Variants in CD80 observed in about 807,000 individuals in gnomAD.
The protein encoded by CD80 is CD80 molecule.
CD80 carries 13 observed loss-of-function variants against 27.1 expected under a neutral mutation model. The observed-to-expected ratio is 0.48, with a 90% CI of 0.31 to 0.76. The LOEUF (loss-of-function observed/expected upper bound fraction) is 0.76, where lower values mean the gene tolerates loss of function less well. Ranked by LOEUF, CD80 falls within the 30% of genes least tolerant of loss-of-function variation. The pLI is 0.04. For synonymous variants in CD80, 125 were observed against 125.5 expected, an observed-to-expected ratio of 1.00 and a Z score of 0.03; for missense variants, 277 against 347.9, an observed-to-expected ratio of 0.80 and a Z score of 1.62.
At chr3:119,557,383 TC>T (rs1647617078) in intron 2 of CD80, among the ~76,000 whole-genome samples, 1 of 152,194 alleles carries the variant, frequency 6.6e-6, no homozygotes, top group South Asian at 2.1e-4. Flanking sequence ...AATAACACTG[TC>T]CCTTCCACGC....
intron 4 of CD80, among the ~76,000 whole-genome samples, chr3:119,533,901 A>G (rs1214127840): frequency 6.6e-6 from 1 of 152,022 alleles, no homozygotes; most frequent in East Asian, 1.9e-4. Context: ...TCAGCCCTTG[A>G]CCTCCTATAA....
At chr3:119,552,476 T>G (rs1560058642) in intron 2 of CD80, among the ~76,000 whole-genome samples, 1 of 130,748 alleles carries the variant, frequency 7.6e-6, no homozygotes. Context: ...ATTGTGCCAC[T>G]GCACTCCAGC....
chr3:119,538,727 A>G (rs2082152031), intron 3 of CD80, among the ~76,000 whole-genome samples: 1 of 152,226 alleles, frequency 6.6e-6, no homozygotes, highest in Non-Finnish European at 1.5e-5. Flanking sequence ...TAAATAGAGA[A>G]GGCTTTGCCT....
chr3:119,557,586 C>A (rs2082271454), intron 2 of CD80, 43 bp downstream of exon 2: 1 of 1,403,116 alleles, frequency 7.1e-7, no homozygotes, highest in Non-Finnish European at 1.0e-6. Context: ...TTTCTCTTAA[C>A]CCTGTAGCAG....
intron 3 of CD80, among the ~76,000 whole-genome samples, chr3:119,542,011 G>A (rs370379233): frequency 6.6e-6 from 1 of 151,548 alleles, no homozygotes; most frequent in African/African-American, 2.4e-5. Flanking sequence ...AGAGGACTAC[G>A]TACCTAATGT....
intron 2 of CD80, among the ~76,000 whole-genome samples, chr3:119,551,172 C>G (rs1015561870): frequency 2.0e-5 from 3 of 152,144 alleles, no homozygotes; most frequent in Admixed American, 6.5e-5. Context: ...GAATGCATGT[C>G]TAGGCATGAG....
chr3:119,545,743 C>T (rs2082199440), intron 2 of CD80, among the ~76,000 whole-genome samples: 1 of 151,884 alleles, frequency 6.6e-6, no homozygotes. Context: ...CACACACCCC[C>T]CCCCACATTT....
intron 1 of CD80, among the ~76,000 whole-genome samples, chr3:119,558,246 A>T (rs2082274475): frequency 6.6e-6 from 1 of 152,226 alleles, no homozygotes; most frequent in Admixed American, 6.5e-5. Context: ...ACATACCAAG[A>T]AACATAGAGC....
chr3:119,541,154 C>CTTGTGAGA (rs2082166565), intron 3 of CD80, among the ~76,000 whole-genome samples: 1 of 152,108 alleles, frequency 6.6e-6, no homozygotes. Context: ...CTCCTGAGGT[C>CTTGTGAGA]TTGTGAGATT....
chr3:119,543,276 G>A (rs1056557705), intron 3 of CD80, among the ~76,000 whole-genome samples: 4 of 152,176 alleles, frequency 2.6e-5, no homozygotes, highest in Non-Finnish European at 4.4e-5. Flanking sequence ...CAAAAGCAAG[G>A]GTCCTTTCTT....
chr3:119,528,778 T>C (rs2082092687), intron 5 of CD80, among the ~76,000 whole-genome samples: 1 of 151,494 alleles, frequency 6.6e-6, no homozygotes, highest in Non-Finnish European at 1.5e-5. Flanking sequence ...AAAAAAAAAT[T>C]AGTCAGGCGT....
chr3:119,534,842 T>C (rs73854851), intron 4 of CD80, among the ~76,000 whole-genome samples: 4,899 of 152,162 alleles, frequency 0.032, 248 homozygotes, highest in African/African-American at 0.11. Context: ...ATGTCAAAGT[T>C]TGGTTTATAT....
chr3:119,545,747 C>T (rs722045), intron 2 of CD80, among the ~76,000 whole-genome samples: 15,069 of 151,772 alleles, frequency 0.099, 984 homozygotes, highest in Non-Finnish European at 0.14. Context: ...CACCCCCCCC[C>T]ACATTTTGTT....
intron 1 of CD80, among the ~76,000 whole-genome samples, chr3:119,559,002 A>C (rs1401912887): frequency 1.3e-5 from 2 of 152,088 alleles, no homozygotes; most frequent in African/African-American, 2.4e-5. Context: ...GCCATCATCC[A>C]TTTTAGACAG....
At chr3:119,531,170 T>G (rs1184734587) in intron 4 of CD80, among the ~76,000 whole-genome samples, 3 of 152,272 alleles carry the variant, frequency 2.0e-5, no homozygotes, top group Non-Finnish European at 4.4e-5. Flanking sequence ...ACCTTCTTTT[T>G]CAGTCAGAGT....
chr3:119,525,905 TTTAAA>T (rs1316632088), intron 6 of CD80, among the ~76,000 whole-genome samples, 156 bp from the exon 7 acceptor site: 3 of 148,282 alleles, frequency 2.0e-5, no homozygotes, highest in Non-Finnish European at 4.5e-5. Context: ...ATATATATAT[TTTAAA>T]TATAAGATCT....
In CD80 at chr3:119,537,236, T is replaced by C. The variant is rs2082144349; in HGVS notation, c.601A>G (p.Ser201Gly). The part of the protein sequence containing the change: ...QDPETELYAV[S>G]SKLDFNMTTN... ...GTCATATTGAAATCCAGTTTGCTGC[T>C]AACAGCATAGAGCTCAGTTTCAGGA... The change falls in exon 4 of 7, where the codon AGC becomes GGC. Residue 201 changes from serine (S) to glycine (G), a missense_variant. Physicochemically the swap from Ser to Gly is moderately conservative, Grantham distance 56. Coordinates refer to ENST00000264246, the MANE Select transcript of CD80 (RefSeq NM_005191.4). 1.2e-6 allele frequency: 2 copies of C among 1,614,156 alleles called. No homozygotes were observed. The highest frequency in any genetic ancestry group is 4.5e-5 in the East Asian group (2 of 44,876).
intron 4 of CD80, among the ~76,000 whole-genome samples, chr3:119,533,744 C>T (rs2082121899): frequency 1.3e-5 from 2 of 152,130 alleles, no homozygotes; most frequent in Admixed American, 1.3e-4. Context: ...CTAATTAAAC[C>T]TCTTTATTTT....
rs574908174 is a variant in CD80, at chr3:119,537,536, T to C, written c.419-118A>G. 28 of 714,534 alleles carry C rather than the reference T, an allele frequency of 3.9e-5. No homozygotes were observed. In the South Asian group the frequency reaches 4.3e-4, roughly 11 times the overall value. The allele number at this position is 714,534 out of a possible 1,614,324, so 44.3% of individuals were successfully genotyped here. A position where few individuals can be genotyped will look rare whatever the true frequency, so the allele number is the denominator to read the frequency against. On this transcript the variant is annotated intron_variant, in intron 3 of 6. Transcript: ENST00000264246. Reference sequence around the variant, plus strand: ...ATTGATAAAGGCCAGGTGCAGTGGCTCACTCCTGTAATCCCAGCACTTTGG... The same window carrying C: ...ATTGATAAAGGCCAGGTGCAGTGGCCCACTCCTGTAATCCCAGCACTTTGG...
Sources: gnomAD v4.1 joint callset for allele counts (sites outside exome capture counted in the v4.1 genomes callset) on GRCh38, gnomAD v4.1.1 for gene constraint, MANE v1.5 for transcripts, NCBI Gene and HGNC (gene_info 2026-07-23, HGNC 2026-07-21) for gene names.